The following INPP4B variants were observed in gnomAD, a reference collection of about 807,000 sequenced individuals.
INPP4B encodes inositol polyphosphate-4-phosphatase type II B.
Under a neutral mutation model 122.5 loss-of-function variants are expected in INPP4B, and 55 were observed. The ratio of observed to expected loss-of-function variants is 0.45; its 90% CI spans 0.36 to 0.56. The LOEUF (loss-of-function observed/expected upper bound fraction) is 0.56. Among genes scored for constraint, INPP4B ranks in the 20% least tolerant of loss-of-function variants. The probability of loss-of-function intolerance (pLI) is 0.00; values close to 1 mark genes in which losing one functional copy is unlikely to be tolerated. For synonymous variants in INPP4B, 403 were observed against 388.7 expected (o/e 1.04, Z -0.43); for missense variants, 1,000 against 1,097.7 (o/e 0.91, Z 1.26).
intron 2 of INPP4B, among the ~76,000 whole-genome samples, chr4:142,687,392 A>T (rs1045188398): frequency 6.6e-6 from 1 of 152,052 alleles, no homozygotes; most frequent in African/African-American, 2.4e-5. Flanking sequence ...GTAACTAAAT[A>T]AGGGTCTGGT....
chr4:142,391,903 G>A (rs548799671), intron 7 of INPP4B, among the ~76,000 whole-genome samples: 10 of 152,090 alleles, frequency 6.6e-5, no homozygotes, highest in African/African-American at 1.4e-4. Context: ...CATTTTCAAC[G>A]CATGTTTTCT....
intron 12 of INPP4B, among the ~76,000 whole-genome samples, chr4:142,220,213 C>A (rs1047935127): frequency 2.6e-5 from 4 of 152,084 alleles, no homozygotes; most frequent in Non-Finnish European, 5.9e-5. Flanking sequence ...TGGGGGAGTA[C>A]AGTTTCTCCT....
At chr4:142,612,174 T>C (rs1742682922) in intron 2 of INPP4B, among the ~76,000 whole-genome samples, 1 of 152,134 alleles carries the variant, frequency 6.6e-6, no homozygotes, top group Admixed American at 6.5e-5. Context: ...TGCAGCTCTC[T>C]AGGAATAGCC....
At chr4:142,462,194 C>A (rs1816872251) in intron 3 of INPP4B, among the ~76,000 whole-genome samples, 1 of 152,132 alleles carries the variant, frequency 6.6e-6, no homozygotes, top group Admixed American at 6.6e-5. Context: ...ACCCAATCCA[C>A]AGTAGATTCT....
chr4:142,125,914 T>C (rs1421947592), intron 18 of INPP4B, among the ~76,000 whole-genome samples: 1 of 152,088 alleles, frequency 6.6e-6, no homozygotes, highest in African/African-American at 2.4e-5. Context: ...ATATAAAAAG[T>C]TTTAAAGATA....
At chr4:142,679,602 C>T (rs1325176246) in intron 2 of INPP4B, among the ~76,000 whole-genome samples, 1 of 151,780 alleles carries the variant, frequency 6.6e-6, no homozygotes, top group African/African-American at 2.4e-5. Context: ...AACACCATTA[C>T]AGGGGTCACA....
intron 10 of INPP4B, among the ~76,000 whole-genome samples, chr4:142,270,011 A>G (rs1007485899): frequency 1.3e-5 from 2 of 152,198 alleles, no homozygotes; most frequent in Non-Finnish European, 2.9e-5. Context: ...ATTTAGGCTA[A>G]TATTTACATA....
intron 7 of INPP4B, among the ~76,000 whole-genome samples, chr4:142,337,591 G>T (rs2151634026): frequency 6.8e-6 from 1 of 148,024 alleles, no homozygotes; most frequent in Non-Finnish European, 1.5e-5. Context: ...TTTCTCTTTG[G>T]CAAAGTGCTG....
At chr4:142,826,042 G>A (rs1224481528) in intron 1 of INPP4B, among the ~76,000 whole-genome samples, 1 of 151,998 alleles carries the variant, frequency 6.6e-6, no homozygotes, top group Non-Finnish European at 1.5e-5. Context: ...ATTTGTTTGT[G>A]TTGTCGCATC....
At chr4:142,068,933 A>G (rs564114622) in intron 25 of INPP4B, among the ~76,000 whole-genome samples, 1 of 152,282 alleles carries the variant, frequency 6.6e-6, no homozygotes, top group East Asian at 1.9e-4. Flanking sequence ...CAAGACAGAA[A>G]GTTAACAAGG....
chr4:142,426,264 C>A (rs1346386198), intron 5 of INPP4B, among the ~76,000 whole-genome samples: 1 of 151,866 alleles, frequency 6.6e-6, no homozygotes, highest in African/African-American at 2.4e-5. Context: ...AGATTAGTCT[C>A]CTTTATACAT....
chr4:142,048,175 A>AGAT (rs1461542690), intron 25 of INPP4B, among the ~76,000 whole-genome samples: 3 of 152,062 alleles, frequency 2.0e-5, no homozygotes, highest in African/African-American at 7.2e-5. Context: ...CATGAAGTAG[A>AGAT]GATATAGAAT....
intron 2 of INPP4B, among the ~76,000 whole-genome samples, chr4:142,696,636 C>T (rs1345520612): frequency 1.3e-5 from 2 of 152,114 alleles, no homozygotes; most frequent in African/African-American, 2.4e-5. Context: ...CTCAACCCTG[C>T]GTCCCTCTGC....
chr4:142,624,653 A>G (rs1745873980), intron 2 of INPP4B, among the ~76,000 whole-genome samples: 1 of 152,228 alleles, frequency 6.6e-6, no homozygotes, highest in Non-Finnish European at 1.5e-5. Context: ...TCCTGATACC[A>G]AAGCCAGGCA....
intron 2 of INPP4B, among the ~76,000 whole-genome samples, chr4:142,614,570 T>C (rs1743287408): frequency 6.6e-6 from 1 of 152,092 alleles, no homozygotes; most frequent in South Asian, 2.1e-4. Context: ...GAATAGCTTC[T>C]GCATAACAAA....
At chr4:142,364,042 A>G (rs542724447) in intron 7 of INPP4B, among the ~76,000 whole-genome samples, 57 of 152,130 alleles carry the variant, frequency 3.7e-4, no homozygotes, top group African/African-American at 1.3e-3. Context: ...AGATTCTAGA[A>G]AAGCAATATA....
intron 25 of INPP4B, among the ~76,000 whole-genome samples, chr4:142,045,414 T>C (rs908932832): frequency 6.6e-6 from 1 of 152,168 alleles, no homozygotes; most frequent in Non-Finnish European, 1.5e-5. Context: ...CAACATACTA[T>C]TTCTGATTAT....
chr4:142,143,896 T>TCA (rs1376662803), intron 18 of INPP4B, among the ~76,000 whole-genome samples: 3 of 152,052 alleles, frequency 2.0e-5, no homozygotes, highest in African/African-American at 7.2e-5. Context: ...GTAACATATT[T>TCA]CACACATTTA....
intron 25 of INPP4B, among the ~76,000 whole-genome samples, chr4:142,042,859 A>C (rs1291955371): frequency 8.6e-5 from 13 of 151,936 alleles, no homozygotes; most frequent in Non-Finnish European, 1.6e-4. Flanking sequence ...CCGCGCCCAG[A>C]CGATTCTATT....
Sources: allele counts gnomAD v4.1 joint callset (sites outside exome capture counted in the v4.1 genomes callset), GRCh38; gene constraint gnomAD v4.1.1; transcripts MANE v1.5; gene names NCBI Gene and HGNC (gene_info 2026-07-23, HGNC 2026-07-21).